The following SPMIP7 variants were observed in gnomAD, a reference collection of about 807,000 sequenced individuals.
The protein encoded by SPMIP7 is protein SPMIP7.
At chr7:50,141,402 A>G in the SPMIP7 span, 1 of 1,440,532 alleles carries the variant, frequency 6.9e-7, no homozygotes, top group Admixed American at 2.0e-5. Context: ...AGTTCCATTC[A>G]TGATTATTTC....
At chr7:50,151,965 C>T in the SPMIP7 span, among the ~76,000 whole-genome samples, 1 of 152,226 alleles carries the variant, frequency 6.6e-6, no homozygotes, top group Non-Finnish European at 1.5e-5. Context: ...TACATAGTTA[C>T]TTCTTGTGAA....
the SPMIP7 span, among the ~76,000 whole-genome samples, chr7:50,125,963 G>A: frequency 6.6e-6 from 1 of 151,818 alleles, no homozygotes; most frequent in Non-Finnish European, 1.5e-5. Context: ...AAGATTTTTG[G>A]CATCCTCACC....
the SPMIP7 span, among the ~76,000 whole-genome samples, chr7:50,153,581 G>A: frequency 6.6e-6 from 1 of 152,226 alleles, no homozygotes; most frequent in African/African-American, 2.4e-5. Context: ...TGTTGGCTGA[G>A]TGCTTTGTGG....
chr7:50,101,747 T>C, the SPMIP7 span, among the ~76,000 whole-genome samples: 3 of 152,230 alleles, frequency 2.0e-5, no homozygotes, highest in Non-Finnish European at 4.4e-5. Context: ...ATCCTGTTGC[T>C]TGTGGCACAA....
the SPMIP7 span, among the ~76,000 whole-genome samples, chr7:50,118,168 T>C: frequency 3.9e-5 from 6 of 152,162 alleles, no homozygotes; most frequent in African/African-American, 1.4e-4. Context: ...ACAAAATTGG[T>C]ATCCGAATGC....
chr7:50,140,351 A>G, the SPMIP7 span, among the ~76,000 whole-genome samples: 5 of 152,224 alleles, frequency 3.3e-5, no homozygotes, highest in Non-Finnish European at 5.9e-5. Flanking sequence ...AGTCCCATCT[A>G]AGGTTTGATT....
the SPMIP7 span, among the ~76,000 whole-genome samples, chr7:50,125,481 A>T: frequency 6.6e-6 from 1 of 150,626 alleles, no homozygotes; most frequent in Non-Finnish European, 1.5e-5. Flanking sequence ...GTAAGAATGG[A>T]AATTGTGAAA....
chr7:50,108,742 C>T, the SPMIP7 span, among the ~76,000 whole-genome samples: 1 of 152,062 alleles, frequency 6.6e-6, no homozygotes, highest in African/African-American at 2.4e-5. Context: ...AAACATACTA[C>T]TTAAGAAATA....
chr7:50,121,313 T>C, the SPMIP7 span: 2 of 152,226 alleles, frequency 1.3e-5, no homozygotes, highest in Non-Finnish European at 2.9e-5. Flanking sequence ...CCTACGTATG[T>C]AATAAACTGT....
At chr7:50,142,776 C>T in the SPMIP7 span, 1 of 152,184 alleles carries the variant, frequency 6.6e-6, no homozygotes, top group East Asian at 1.9e-4. Context: ...CTTCTGCTTC[C>T]CCAGCTCAGA....
At chr7:50,140,159 A>T in the SPMIP7 span, 1 of 1,507,618 alleles carries the variant, frequency 6.6e-7, no homozygotes, top group Non-Finnish European at 8.9e-7. Context: ...AAGTTCTAGA[A>T]GTAAATATAT....
At chr7:50,138,917 T>C in the SPMIP7 span, among the ~76,000 whole-genome samples, 3 of 152,182 alleles carry the variant, frequency 2.0e-5, no homozygotes, top group African/African-American at 7.2e-5. Flanking sequence ...TATTGAACCA[T>C]ATCTAAAAAT....
At chr7:50,153,345 G>A in the SPMIP7 span, among the ~76,000 whole-genome samples, 2 of 152,146 alleles carry the variant, frequency 1.3e-5, no homozygotes, top group Admixed American at 6.5e-5. Context: ...CAGCTGCCAT[G>A]CATGGGCCTC....
At chr7:50,146,377 C>G in the SPMIP7 span, among the ~76,000 whole-genome samples, 1 of 152,188 alleles carries the variant, frequency 6.6e-6, no homozygotes, top group African/African-American at 2.4e-5. Context: ...TGGCTTCTGC[C>G]TTTGGCAAAT....
the SPMIP7 span, among the ~76,000 whole-genome samples, chr7:50,158,317 A>C: frequency 6.7e-6 from 1 of 149,052 alleles, no homozygotes; most frequent in Non-Finnish European, 1.5e-5. Flanking sequence ...CCTCTGGGTG[A>C]GGCCTGGGTC....
the SPMIP7 span, chr7:50,095,956 A>T: frequency 1.7e-6 from 1 of 604,088 alleles, no homozygotes; most frequent in Non-Finnish European, 2.6e-6. Flanking sequence ...GCCAACATTT[A>T]GAAAGCTGTG....
At chr7:50,123,814 A>G in the SPMIP7 span, among the ~76,000 whole-genome samples, 11 of 80,856 alleles carry the variant, frequency 1.4e-4, no homozygotes, top group Non-Finnish European at 4.3e-4. Flanking sequence ...AAAAAAAAGG[A>G]ACAGAGAAAT....
the SPMIP7 span, among the ~76,000 whole-genome samples, chr7:50,136,546 A>G: frequency 6.6e-6 from 1 of 152,178 alleles, no homozygotes; most frequent in Non-Finnish European, 1.5e-5. Context: ...AAATAAATAA[A>G]TACAATAATA....
At chr7:50,098,573 CAT>C in the SPMIP7 span, among the ~76,000 whole-genome samples, 1 of 152,036 alleles carries the variant, frequency 6.6e-6, no homozygotes, top group Admixed American at 6.6e-5. Context: ...AATTGTTTCT[CAT>C]AGTTCTAGAG....
Sources: allele counts gnomAD v4.1 joint callset (sites outside exome capture counted in the v4.1 genomes callset), GRCh38; gene constraint gnomAD v4.1.1; transcripts MANE v1.5; gene names NCBI Gene and HGNC (gene_info 2026-07-23, HGNC 2026-07-21).